Variants in WDFY3 observed in about 807,000 individuals in gnomAD.
WDFY3 encodes WD repeat and FYVE domain-containing protein 3.
Under a neutral mutation model 409.6 loss-of-function variants are expected in WDFY3, and 66 were observed. That is an observed-to-expected ratio of 0.16 (90% CI 0.13 to 0.20). The LOEUF is 0.20. Among genes scored for constraint, WDFY3 ranks in the 10% least tolerant of loss-of-function variants. The pLI is 1.00. For missense variants in WDFY3, 3,031 were observed against 4,298.1 expected, an observed-to-expected ratio of 0.71 and a Z score of 8.24; for synonymous variants, 1,521 against 1,537.1, an observed-to-expected ratio of 0.99 and a Z score of 0.25.
chr4:84,755,182 G>A, intron 34 of WDFY3, 84 bp downstream of exon 34: 3 of 1,559,704 alleles, frequency 1.9e-6, no homozygotes, highest in Non-Finnish European at 2.6e-6. Context: ...AAGTAGTTAT[G>A]TTACCAAAAA....
rs1735386752 is a variant in WDFY3, at chr4:84,724,728, G to GGGT, written c.7273-135_7273-134insACC. 3.6e-6 allele frequency: 3 copies of GGGT among 830,424 alleles called. No individual in the cohort carries two copies. The Admixed American group carries it at 1.2e-4, about 32-fold the overall frequency. The allele number at this position is 830,424 out of a possible 1,614,324, so 51.4% of individuals were successfully genotyped here. ...TTTTCATAGACTGTATGTATATACA[G>GGGT]TAAATCCACACTTTTGGGTTAAGTT... On this transcript the variant is annotated intron_variant, in intron 45 of 67. Coordinates refer to ENST00000295888, the MANE Select transcript of WDFY3 (RefSeq NM_014991.6).
intron 15 of WDFY3, among the ~76,000 whole-genome samples, chr4:84,806,994 T>C (rs1028782058): frequency 1.3e-5 from 2 of 152,218 alleles, no homozygotes; most frequent in Admixed American, 1.3e-4. Flanking sequence ...ACTAAATGTT[T>C]TTAAACAGCA....
intron 48 of WDFY3, among the ~76,000 whole-genome samples, chr4:84,718,057 CAAAAAAAA>C (rs35076143): frequency 6.5e-5 from 4 of 61,352 alleles, no homozygotes; most frequent in South Asian, 8.6e-4. Context: ...GACACTGTCT[CAAAAAAAA>C]AAAAAAAAAA....
intron 27 of WDFY3, among the ~76,000 whole-genome samples, chr4:84,776,280 T>C (rs765182775): frequency 8.6e-5 from 13 of 151,970 alleles, no homozygotes; most frequent in Non-Finnish European, 1.8e-4. Flanking sequence ...TCACTAAAAA[T>C]TGTACATGGC....
chr4:84,688,567 A>AT lies in WDFY3; in HGVS notation c.9364-303_9364-302insA, dbSNP rs569043078. Among the ~76,000 whole-genome samples, 353 of 152,190 alleles carry AT rather than the reference A, an allele frequency of 2.3e-3. 1 individual carries two copies. Among genetic ancestry groups the AT allele is most frequent in the African/African-American group, 7.9e-3 (330 of 41,518 alleles). On this transcript the variant is annotated intron_variant, in intron 61 of 67. Transcript: ENST00000295888. ...GAAGGAAGAGGGAATGACAACCACAACCCAGCTTGGGTTTCTTTATACCAT... is the reference window on the plus strand; with the variant it reads ...GAAGGAAGAGGGAATGACAACCACAATCCCAGCTTGGGTTTCTTTATACCAT...
At chr4:84,954,826 G>T (rs1352532591) in intron 1 of WDFY3, among the ~76,000 whole-genome samples, 1 of 152,146 alleles carries the variant, frequency 6.6e-6, no homozygotes, top group African/African-American at 2.4e-5. Flanking sequence ...ACTCTCTCTA[G>T]AATCAGCACA....
chr4:84,832,067 T>C (rs1755817019), intron 7 of WDFY3, among the ~76,000 whole-genome samples: 1 of 152,080 alleles, frequency 6.6e-6, no homozygotes, highest in South Asian at 2.1e-4. Context: ...CTATTCCCAA[T>C]AGCCAAAATT....
chr4:84,893,929 C>A (rs1765269026), intron 3 of WDFY3, among the ~76,000 whole-genome samples: 1 of 151,074 alleles, frequency 6.6e-6, no homozygotes, highest in South Asian at 2.1e-4. Context: ...GCAGAGGTTG[C>A]AATGAGCCGA....
chr4:84,817,338 A>C, intron 13 of WDFY3, 54 bp downstream of exon 13: 2 of 1,599,882 alleles, frequency 1.3e-6, no homozygotes, highest in Non-Finnish European at 1.7e-6. Flanking sequence ...GATCATCTAA[A>C]AATAACCACA....
intron 37 of WDFY3, among the ~76,000 whole-genome samples, chr4:84,742,593 G>A (rs1359678927): frequency 6.6e-6 from 1 of 152,136 alleles, no homozygotes; most frequent in Non-Finnish European, 1.5e-5. Context: ...AGCAAGAGGT[G>A]TGAGGTGGGT....
chr4:84,847,374 C>G (rs1758213283), intron 5 of WDFY3, among the ~76,000 whole-genome samples: 1 of 151,982 alleles, frequency 6.6e-6, no homozygotes, highest in South Asian at 2.1e-4. Context: ...TATGGACATT[C>G]TCTAACATAA....
intron 33 of WDFY3, among the ~76,000 whole-genome samples, chr4:84,756,668 A>C (rs1464735958): frequency 1.3e-5 from 2 of 151,992 alleles, no homozygotes; most frequent in Non-Finnish European, 2.9e-5. Flanking sequence ...AGTTCTTTAG[A>C]TCACCATTAA....
chr4:84,840,829 C>G (rs770983202), intron 6 of WDFY3, among the ~76,000 whole-genome samples: 5 of 151,742 alleles, frequency 3.3e-5, no homozygotes, highest in Non-Finnish European at 5.9e-5. Flanking sequence ...AATCTTCCCA[C>G]CTTGACCTCT....
chr4:84,747,398 G>T (rs1291910465), intron 36 of WDFY3, among the ~76,000 whole-genome samples: 1 of 152,106 alleles, frequency 6.6e-6, no homozygotes, highest in Non-Finnish European at 1.5e-5. Flanking sequence ...TCCTCTCTGA[G>T]TTACTTTGTG....
At chr4:84,912,771 A>G (rs1042567345) in intron 2 of WDFY3, among the ~76,000 whole-genome samples, 1 of 152,208 alleles carries the variant, frequency 6.6e-6, no homozygotes, top group Non-Finnish European at 1.5e-5. Context: ...AAAGCTTACC[A>G]AGGACATTTA....
intron 3 of WDFY3, among the ~76,000 whole-genome samples, chr4:84,885,381 T>G (rs926773829): frequency 6.7e-6 from 1 of 150,008 alleles, no homozygotes. Flanking sequence ...ATGAATCACG[T>G]AAGAACTCTA....
At chr4:84,893,488 A>C (rs1765202048) in intron 3 of WDFY3, among the ~76,000 whole-genome samples, 1 of 152,258 alleles carries the variant, frequency 6.6e-6, no homozygotes. Context: ...AGTTAGCATT[A>C]GGCAGAAGAA....
At chr4:84,776,020 A>G (rs1009237113) in intron 27 of WDFY3, among the ~76,000 whole-genome samples, 6 of 152,084 alleles carry the variant, frequency 3.9e-5, no homozygotes, top group African/African-American at 1.4e-4. Flanking sequence ...AAAGGAATAA[A>G]GAATGCTATA....
chr4:84,790,348 C>CA (rs1384071652), intron 21 of WDFY3, among the ~76,000 whole-genome samples: 2 of 150,982 alleles, frequency 1.3e-5, no homozygotes, highest in African/African-American at 4.9e-5. Flanking sequence ...GACTCCATCT[C>CA]AAAAAAAATA....
Sources: gnomAD v4.1 joint callset for allele counts (sites outside exome capture counted in the v4.1 genomes callset) on GRCh38, gnomAD v4.1.1 for gene constraint, MANE v1.5 for transcripts, NCBI Gene and HGNC (gene_info 2026-07-23, HGNC 2026-07-21) for gene names.